Variants in NCAM2 observed in about 807,000 individuals in gnomAD.
NCAM2 encodes N-CAM-2.
Under a neutral mutation model 98.1 loss-of-function variants are expected in NCAM2, and 30 were observed. That is an observed-to-expected ratio of 0.31 (90% CI 0.23 to 0.41). The LOEUF (loss-of-function observed/expected upper bound fraction) is 0.41, where lower values mean the gene tolerates loss of function less well. NCAM2 is among the 10% of genes least tolerant of loss of function. NCAM2 has a pLI of 1.00. For synonymous variants in NCAM2, 368 were observed against 342.4 expected (o/e 1.07, Z -0.83); for missense variants, 867 against 1,005.8 (o/e 0.86, Z 1.87).
intron 15 of NCAM2, among the ~76,000 whole-genome samples, chr21:21,485,144 C>A (rs1043347466): frequency 6.6e-6 from 1 of 151,838 alleles, no homozygotes; most frequent in Non-Finnish European, 1.5e-5. Flanking sequence ...GCTTATTTTC[C>A]CTTTGTTGAA....
chr21:21,188,816 A>G (rs1016589363), intron 1 of NCAM2, among the ~76,000 whole-genome samples: 1 of 152,240 alleles, frequency 6.6e-6, no homozygotes, highest in African/African-American at 2.4e-5. Flanking sequence ...ACAAAGGCAT[A>G]TAAAGAGCTA....
chr21:21,041,738 A>G lies in NCAM2; in HGVS notation c.55+43120A>G, dbSNP rs544246929. Among the ~76,000 whole-genome samples the G allele has an allele frequency of 2.4e-3, 364 of 152,342 alleles. 1 individual carries two copies. The highest frequency in any genetic ancestry group is 3.1e-3 in the Non-Finnish European group (210 of 68,028). On this transcript the variant is annotated intron_variant, in intron 1 of 17. Transcript: ENST00000400546. ...AGGGAAAGACGTCAGAATATATTAT[A>G]TAGTAACAGAGAGAGAAAGCAAGAG...
intron 1 of NCAM2, among the ~76,000 whole-genome samples, chr21:21,031,644 A>G (rs1434132031): frequency 6.6e-6 from 1 of 152,264 alleles, no homozygotes; most frequent in African/African-American, 2.4e-5. Flanking sequence ...CCAATATGCA[A>G]GTAGGCAGTG....
At chr21:21,090,372 G>T (rs2065988757) in intron 1 of NCAM2, among the ~76,000 whole-genome samples, 1 of 151,944 alleles carries the variant, frequency 6.6e-6, no homozygotes, top group African/African-American at 2.4e-5. Context: ...ATAGGCCTAG[G>T]GGCCCATTAG....
At chr21:21,425,515 T>C (rs570778324) in intron 11 of NCAM2, among the ~76,000 whole-genome samples, 2 of 152,266 alleles carry the variant, frequency 1.3e-5, no homozygotes, top group African/African-American at 4.8e-5. Context: ...TACTCATATT[T>C]GGAGGAAATA....
At chr21:21,357,545 G>C (rs896194451) in intron 8 of NCAM2, among the ~76,000 whole-genome samples, 2 of 151,934 alleles carry the variant, frequency 1.3e-5, no homozygotes, top group African/African-American at 4.8e-5. Flanking sequence ...AAAAGCTCTG[G>C]TGAAATGAAA....
chr21:21,013,098 C>CA (rs1485737552), intron 1 of NCAM2, among the ~76,000 whole-genome samples: 1 of 152,118 alleles, frequency 6.6e-6, no homozygotes, highest in Non-Finnish European at 1.5e-5. Flanking sequence ...ATATTCAAGT[C>CA]AAAAGACGGG....
chr21:21,005,995 G>A (rs1026250114), intron 1 of NCAM2, among the ~76,000 whole-genome samples: 27 of 152,062 alleles, frequency 1.8e-4, no homozygotes, highest in South Asian at 4.1e-4. Context: ...TGATTATATC[G>A]TATTTTATAG....
intron 1 of NCAM2, among the ~76,000 whole-genome samples, chr21:21,079,307 A>C (rs1332186110): frequency 6.6e-6 from 1 of 152,166 alleles, no homozygotes; most frequent in Non-Finnish European, 1.5e-5. Context: ...ATCTTTCTTA[A>C]GAGATAATTT....
chr21:21,096,490 C>A (rs980963691), intron 1 of NCAM2, among the ~76,000 whole-genome samples: 1 of 151,644 alleles, frequency 6.6e-6, no homozygotes, highest in Non-Finnish European at 1.5e-5. Context: ...AGATAAAAAA[C>A]AAATATGTAT....
chr21:21,192,314 G>T (rs1189730547), intron 1 of NCAM2, among the ~76,000 whole-genome samples: 2 of 152,052 alleles, frequency 1.3e-5, no homozygotes, highest in East Asian at 1.9e-4. Flanking sequence ...CAATTTAGAT[G>T]GATGAGAATC....
rs1569141627 is a variant in NCAM2 at position 21,530,149 on chromosome 21, T to G, written c.2283-4388T>G. 4.3e-4 allele frequency among the ~76,000 whole-genome samples: 62 copies of G among 143,068 alleles called. 2 individuals are homozygous for G. The highest frequency in any genetic ancestry group is 1.4e-3 in the African/African-American group (54 of 39,728). The allele number at this position is 143,068 out of a possible 152,430, so 93.9% of individuals were successfully genotyped here. On this transcript the variant is annotated intron_variant, in intron 16 of 17. Coordinates refer to ENST00000400546, the MANE Select transcript of NCAM2 (RefSeq NM_004540.5). ...TTATATATGATTTAATTTAATTTAA[T>G]TATATATGATTTAATTTAATTTAAT...
At chr21:21,530,582 A>G (rs1219213044) in intron 16 of NCAM2, among the ~76,000 whole-genome samples, 1 of 151,300 alleles carries the variant, frequency 6.6e-6, no homozygotes, top group East Asian at 1.9e-4. Context: ...AGATATTTCT[A>G]TGTACTACAT....
At chr21:21,047,576 A>G (rs1339143001) in intron 1 of NCAM2, among the ~76,000 whole-genome samples, 1 of 152,236 alleles carries the variant, frequency 6.6e-6, no homozygotes, top group Non-Finnish European at 1.5e-5. Context: ...AGCTTGCATT[A>G]AAACTTCAGA....
intron 8 of NCAM2, among the ~76,000 whole-genome samples, chr21:21,368,519 C>G (rs970941769): frequency 2.0e-5 from 3 of 151,842 alleles, no homozygotes; most frequent in African/African-American, 4.8e-5. Context: ...ATTTATTTCT[C>G]ACAGTTCTAG....
intron 14 of NCAM2, among the ~76,000 whole-genome samples, chr21:21,474,216 G>A (rs951407078): frequency 6.6e-6 from 1 of 151,974 alleles, no homozygotes; most frequent in Non-Finnish European, 1.5e-5. Context: ...GGATTAAAAT[G>A]CCTTCTTGCC....
chr21:21,490,688 C>G (rs1986777159), intron 15 of NCAM2, among the ~76,000 whole-genome samples: 1 of 151,566 alleles, frequency 6.6e-6, no homozygotes, highest in Non-Finnish European at 1.5e-5. Flanking sequence ...AATTCATGTA[C>G]CCCTTTCAAG....
chr21:21,343,779 G>A (rs910546556), intron 8 of NCAM2, among the ~76,000 whole-genome samples: 10 of 152,126 alleles, frequency 6.6e-5, no homozygotes, highest in Non-Finnish European at 1.0e-4. Context: ...GTGTCTCCCA[G>A]TAAACTTGAA....
At chr21:21,078,449 A>T (rs1315753771) in intron 1 of NCAM2, among the ~76,000 whole-genome samples, 1 of 152,180 alleles carries the variant, frequency 6.6e-6, no homozygotes, top group Non-Finnish European at 1.5e-5. Flanking sequence ...CAGATGTGTA[A>T]AAAATGTCAT....
Sources: gnomAD v4.1 joint callset for allele counts (sites outside exome capture counted in the v4.1 genomes callset) on GRCh38, gnomAD v4.1.1 for gene constraint, MANE v1.5 for transcripts, NCBI Gene and HGNC (gene_info 2026-07-23, HGNC 2026-07-21) for gene names.